The following TEX2 variants were observed in gnomAD, a reference collection of about 807,000 sequenced individuals.
The protein encoded by TEX2 is testis expressed 2.
TEX2 carries 53 observed loss-of-function variants against 106.9 expected under a neutral mutation model. The observed-to-expected ratio is 0.50, with a 90% CI of 0.40 to 0.62. The LOEUF (loss-of-function observed/expected upper bound fraction) is 0.62, where lower values mean the gene tolerates loss of function less well. TEX2 is among the 20% of genes least tolerant of loss of function. The pLI is 0.00. For missense variants in TEX2, 1,207 were observed against 1,379.0 expected (o/e 0.88, Z 1.98); for synonymous variants, 523 against 534.8 (o/e 0.98, Z 0.30).
intron 7 of TEX2, 34 bp downstream of exon 7, chr17:64,171,066 T>G: frequency 1.3e-6 from 2 of 1,544,806 alleles, no homozygotes; most frequent in Non-Finnish European, 1.8e-6. Context: ...AAGGATATAT[T>G]TTAACACTCA....
chr17:64,231,213 T>G (rs2033647036), intron 1 of TEX2, among the ~76,000 whole-genome samples: 1 of 152,214 alleles, frequency 6.6e-6, no homozygotes, highest in Non-Finnish European at 1.5e-5. Context: ...ACTGTGAGGC[T>G]GCTCCTGCTC....
At chr17:64,212,049 C>T (rs1012155335) in intron 2 of TEX2, among the ~76,000 whole-genome samples, 1 of 152,168 alleles carries the variant, frequency 6.6e-6, no homozygotes, top group Non-Finnish European at 1.5e-5. Context: ...AGGGACCCCT[C>T]AGGAGGCCCA....
Position 64,153,251 on chromosome 17 carries a change from C to G in TEX2, c.2931-97G>C, listed in dbSNP as rs2030452989. On this transcript the variant is annotated intron_variant, in intron 9 of 11. Transcript: ENST00000584379. This position sits in a 1 kb window ranked among gnomAD's most constrained non-coding sequence, Gnocchi z 4.1. ...TCGTTCCCCTTACTTTAGAGCACCA[C>G]TCGATGTTTTGGATGTGGTGATTCT... 2 of 841,138 alleles carry G rather than the reference C, an allele frequency of 2.4e-6. No homozygotes were observed. Among genetic ancestry groups the G allele is most frequent in the Non-Finnish European group, 3.8e-6 (2 of 525,288 alleles). The allele number at this position is 841,138 out of a possible 1,614,324, so 52.1% of individuals were successfully genotyped here. A position where few individuals can be genotyped will look rare whatever the true frequency, so the allele number is the denominator to read the frequency against.
At chr17:64,240,726 C>T (rs897039521) in intron 1 of TEX2, among the ~76,000 whole-genome samples, 2 of 152,124 alleles carry the variant, frequency 1.3e-5, no homozygotes, top group African/African-American at 2.4e-5. Context: ...CTTCCTTGAT[C>T]GGTTTAGAGT....
rs536633143 is a variant in TEX2, at chr17:64,262,685, G to GT, written c.-26+482dup. On this transcript the variant is annotated intron_variant, in intron 1 of 11. Coordinates refer to ENST00000584379, the MANE Select transcript of TEX2 (RefSeq NM_001288732.2). ...CACAAACCACCCCACCGCCACCCGC[G>GT]TTCTCCAGGAGTTGGAGAAAAACCA... Among the ~76,000 whole-genome samples, 3 of 152,302 alleles carry GT rather than the reference G, an allele frequency of 2.0e-5. No homozygotes were observed. The South Asian group carries it at 6.2e-4, about 32-fold the overall frequency.
At chr17:64,209,752 G>A (rs1555631237) in intron 2 of TEX2, among the ~76,000 whole-genome samples, 1 of 152,158 alleles carries the variant, frequency 6.6e-6, no homozygotes, top group Non-Finnish European at 1.5e-5. Context: ...GCACATATAC[G>A]CTAACTGAAC....
In TEX2 at chr17:64,148,919, C is replaced by T. The variant is rs200572403; in HGVS notation, c.*50G>A. ...ACAGTACAGATGGCGGCCAAGAACCCCACACATCCAGCTCGATGTCACAAT... is the reference window on the plus strand; with the variant it reads ...ACAGTACAGATGGCGGCCAAGAACCTCACACATCCAGCTCGATGTCACAAT... On this transcript the variant is annotated 3_prime_UTR_variant, in exon 12 of 12. Coordinates refer to ENST00000584379, the MANE Select transcript of TEX2 (RefSeq NM_001288732.2). 35 of 1,610,546 alleles carry T rather than the reference C, an allele frequency of 2.2e-5. No individual in the cohort carries two copies. The East Asian group carries it at 7.6e-4, about 35-fold the overall frequency.
intron 7 of TEX2, among the ~76,000 whole-genome samples, chr17:64,162,253 T>G (rs2030922035): frequency 1.3e-5 from 2 of 152,192 alleles, no homozygotes; most frequent in Admixed American, 6.5e-5. Context: ...TTACTGGAAA[T>G]AAAGGGTATA....
At chr17:64,251,458 C>T (rs1196839293) in intron 1 of TEX2, among the ~76,000 whole-genome samples, 2 of 152,230 alleles carry the variant, frequency 1.3e-5, no homozygotes, top group East Asian at 1.9e-4. Context: ...TCACTCTAGT[C>T]TTCACAAAAC....
chr17:64,201,648 C>T lies in TEX2; in HGVS notation c.1645-6553G>A, dbSNP rs116598035. 5.3e-3 allele frequency among the ~76,000 whole-genome samples: 803 copies of T among 152,218 alleles called. 11 individuals are homozygous for T. Among genetic ancestry groups the T allele is most frequent in the African/African-American group, 0.018 (741 of 41,532 alleles). ...ATGCTACCTCAGCTCCATGGCACGG[C>T]CCCACCTGCAGTCTGGCTTGTGCCT... On this transcript the variant is annotated intron_variant, in intron 2 of 11. Coordinates refer to ENST00000584379, the MANE Select transcript of TEX2 (RefSeq NM_001288732.2).
At chr17:64,257,679 T>C (rs1210247145) in intron 1 of TEX2, among the ~76,000 whole-genome samples, 7 of 152,210 alleles carry the variant, frequency 4.6e-5, no homozygotes, top group Admixed American at 4.6e-4. Flanking sequence ...CATATTACAG[T>C]TCTTGTGTTC....
intron 5 of TEX2, among the ~76,000 whole-genome samples, chr17:64,181,054 C>G (rs1392177206): frequency 6.6e-6 from 1 of 152,206 alleles, no homozygotes; most frequent in Non-Finnish European, 1.5e-5. Flanking sequence ...TGCATATTCA[C>G]TGCAGAAAAC....
chr17:64,193,541 T>C lies in TEX2; in HGVS notation c.2176+18A>G, dbSNP rs1354573744. On this transcript the variant is annotated intron_variant, in intron 4 of 11. Transcript: ENST00000584379. ...GGCCCTTTAAAAATGCATAAGCATTTAGCACAAACATCATTACCTGGTTTA... is the reference window on the plus strand; with the variant it reads ...GGCCCTTTAAAAATGCATAAGCATTCAGCACAAACATCATTACCTGGTTTA... The C allele has an allele frequency of 1.4e-6, 2 of 1,404,942 alleles. No individual in the cohort carries two copies. Among genetic ancestry groups the C allele is most frequent in the African/African-American group, 2.9e-5 (2 of 68,770 alleles). 87.0% of individuals were successfully genotyped at this position (1,404,942 alleles called of 1,614,324 possible).
At chr17:64,162,381 T>G (rs2030926888) in intron 7 of TEX2, among the ~76,000 whole-genome samples, 1 of 152,234 alleles carries the variant, frequency 6.6e-6, no homozygotes, top group Admixed American at 6.5e-5. Context: ...AGGAGATATT[T>G]ATTGTTGTAT....
rs1174647992 is a variant in TEX2 at position 64,194,814 on chromosome 17, T to TA, written c.1845+80dup. The TA allele has an allele frequency of 8.0e-6, 11 of 1,381,906 alleles. No homozygotes were observed. The East Asian group carries it at 1.1e-4, about 14-fold the overall frequency. The allele number at this position is 1,381,906 out of a possible 1,614,324, so 85.6% of individuals were successfully genotyped here. A position where few individuals can be genotyped will look rare whatever the true frequency, so the allele number is the denominator to read the frequency against. On this transcript the variant is annotated intron_variant, in intron 3 of 11. Coordinates refer to ENST00000584379, the MANE Select transcript of TEX2 (RefSeq NM_001288732.2). ...AACGACCACAAACCTTTTTAGGGTA[T>TA]AAAAAAATGCAGTTAAGCATCCAAG...
intron 6 of TEX2, among the ~76,000 whole-genome samples, chr17:64,174,568 T>C (rs1326109560): frequency 1.3e-5 from 2 of 152,148 alleles, no homozygotes; most frequent in African/African-American, 4.8e-5. Context: ...TTTTCGACAA[T>C]AAACTGTTTT....
At chr17:64,175,857 G>A (rs1412723929) in intron 6 of TEX2, among the ~76,000 whole-genome samples, 1 of 152,202 alleles carries the variant, frequency 6.6e-6, no homozygotes, top group Non-Finnish European at 1.5e-5. Context: ...TCAGGGAAGG[G>A]CCCCTCTTGC....
intron 7 of TEX2, among the ~76,000 whole-genome samples, chr17:64,167,989 G>C (rs910415244): frequency 3.9e-4 from 59 of 152,076 alleles, no homozygotes; most frequent in African/African-American, 1.3e-3. Flanking sequence ...CCAACCAGTT[G>C]TGGCCAAAAT....
In TEX2 at chr17:64,212,870, C is replaced by A; in HGVS notation, c.1348G>T (p.Ala450Ser). 6.2e-7 allele frequency: 1 copy of A among 1,614,118 alleles called. No homozygotes were observed. Among genetic ancestry groups the A allele is most frequent in the Non-Finnish European group, 8.5e-7 (1 of 1,180,040 alleles). The change falls in exon 2 of 12, where the codon GCG becomes TCG. Residue 450 changes from alanine to serine, a missense_variant. By Grantham distance (99) the Ala-to-Ser change is moderately conservative (BLOSUM62 1). Coordinates refer to ENST00000584379, the MANE Select transcript of TEX2 (RefSeq NM_001288732.2). Reference sequence around the variant, plus strand: ...CTGTCAAGGACCACACCATCTTCCGCGAGCACCTCTGGCTTGAGAGGAATA... The same window carrying A: ...CTGTCAAGGACCACACCATCTTCCGAGAGCACCTCTGGCTTGAGAGGAATA... ...SDIPLKPEVL[A>S]EDGVVLDSED...
Sources: allele counts gnomAD v4.1 joint callset (sites outside exome capture counted in the v4.1 genomes callset), GRCh38; gene constraint gnomAD v4.1.1; non-coding constraint Gnocchi (gnomAD v3.1); transcripts MANE v1.5; gene names NCBI Gene and HGNC (gene_info 2026-07-23, HGNC 2026-07-21).